The following SH3TC2 variants were observed in gnomAD, a reference collection of about 807,000 sequenced individuals.
SH3TC2 encodes SH3 domain and tetratricopeptide repeats 2, also known as SH3 domain and tetratricopeptide repeat-containing protein 2.
Under a neutral mutation model 124.5 loss-of-function variants are expected in SH3TC2, and 87 were observed. The ratio of observed to expected loss-of-function variants is 0.70; its 90% CI spans 0.59 to 0.84. The LOEUF (loss-of-function observed/expected upper bound fraction) is 0.84, where lower values mean the gene tolerates loss of function less well. Ranked by LOEUF, SH3TC2 falls within the 40% of genes least tolerant of loss-of-function variation. SH3TC2 has a pLI of 0.00. For synonymous variants in SH3TC2, 634 were observed against 628.5 expected (o/e 1.01, Z -0.13); for missense variants, 1,536 against 1,566.4 (o/e 0.98, Z 0.33).
intron 1 of SH3TC2, among the ~76,000 whole-genome samples, chr5:149,062,767 A>T (rs979172198): frequency 6.6e-6 from 1 of 152,206 alleles, no homozygotes; most frequent in African/African-American, 2.4e-5. Flanking sequence ...CTTCAGGAAA[A>T]AATAGATGCT....
intron 16 of SH3TC2, 62 bp downstream of exon 16, chr5:149,006,819 G>T: frequency 1.3e-6 from 2 of 1,525,366 alleles, no homozygotes; most frequent in South Asian, 2.2e-5. Flanking sequence ...CATTGTCTTT[G>T]AGTCAGGAAG....
rs1754353543 is a variant in SH3TC2 at position 149,040,626 on chromosome 5, A to C, written c.783T>G (p.Asp261Glu). ...TACCAATCTGATAGGAGCCTGTCCA[A>C]TCCCTCTTCCTGGAAAGGCCACAGC... ...PGSCGLSRKR[D>E]WTGSYQIGRG... is the part of the protein sequence containing the mutation. Residue 261 changes from aspartate (D) to glutamate (E), a missense_variant, in exon 7 of 17, where the codon GAT becomes GAG. Asp to Glu is a conservative substitution (Grantham distance 45). Transcript: ENST00000515425. 1 of 1,614,110 alleles carries C rather than the reference A, an allele frequency of 6.2e-7. No individual in the cohort carries two copies. Among genetic ancestry groups the C allele is most frequent in the South Asian group, 1.1e-5 (1 of 91,078 alleles).
In SH3TC2 at chr5:149,044,633, G is replaced by A. The variant is rs574669908; in HGVS notation, c.285C>T (p.Leu95=). Reference sequence around the variant, plus strand: ...ACTGGATACTGACCAACCTTGCTGAGAGGTCCTACGTAAAGGAAACAATGA... The same window carrying A: ...ACTGGATACTGACCAACCTTGCTGAAAGGTCCTACGTAAAGGAAACAATGA... The part of the protein sequence containing the change: ...DQEVRMLFKD[L]SARLVSIQSQ... Residue 95 remains leucine (L), a synonymous_variant, in exon 4 of 17, where the codon CTC becomes CTT. Coordinates refer to ENST00000515425, the MANE Select transcript of SH3TC2 (RefSeq NM_024577.4). 137 of 1,613,632 alleles carry A rather than the reference G, an allele frequency of 8.5e-5. 2 individuals are homozygous for A. In the Middle Eastern group the frequency reaches 2.1e-3, roughly 25 times the overall value.
At chr5:149,053,381 A>G (rs955449110) in intron 1 of SH3TC2, among the ~76,000 whole-genome samples, 3 of 152,190 alleles carry the variant, frequency 2.0e-5, no homozygotes, top group Non-Finnish European at 4.4e-5. Flanking sequence ...TCGCAGTGGG[A>G]GCAGTTAGCA....
Position 149,027,964 on chromosome 5 carries a change from C to A in SH3TC2, c.1768G>T (p.Ala590Ser). The A allele has an allele frequency of 6.2e-7, 1 of 1,614,156 alleles. No individual in the cohort carries two copies. ...AGGGCACCTGCCTTTTCCAACAGGGCGGAGCCTTTATGTCTCAGCCTCTGT... is the reference window on the plus strand; with the variant it reads ...AGGGCACCTGCCTTTTCCAACAGGGAGGAGCCTTTATGTCTCAGCCTCTGT... Reference protein sequence around the residue: ...LKQRLRHKGSALLEKAGALLA... With the variant: ...LKQRLRHKGSSLLEKAGALLA... Residue 590 changes from alanine to serine, a missense_variant, in exon 11 of 17, where the codon GCC becomes TCC. Coordinates refer to ENST00000515425, the MANE Select transcript of SH3TC2 (RefSeq NM_024577.4).
intron 8 of SH3TC2, among the ~76,000 whole-genome samples, chr5:149,032,645 C>T (rs1051753157): frequency 1.3e-5 from 2 of 152,134 alleles, no homozygotes; most frequent in African/African-American, 4.8e-5. Flanking sequence ...TACTCTTATC[C>T]TTTTTACAGA....
intron 12 of SH3TC2, among the ~76,000 whole-genome samples, chr5:149,014,682 C>A (rs535048224): frequency 8.5e-5 from 13 of 152,310 alleles, no homozygotes; most frequent in African/African-American, 2.6e-4. Context: ...GTGAAACTTC[C>A]TCTGAGAATA....
Position 148,990,381 on chromosome 5 carries a change from C to T in SH3TC2, c.*14330G>A, listed in dbSNP as rs960924989. ...AAGCTGGCCTTTGTCAACAAACACA[C>T]ATACCCACACAATGTTGTGCTGCCA... On this transcript the variant is annotated 3_prime_UTR_variant, in exon 17 of 17. Transcript: ENST00000515425. 6.6e-6 allele frequency among the ~76,000 whole-genome samples: 1 copy of T among 152,176 alleles called. No individual in the cohort carries two copies. The highest frequency in any genetic ancestry group is 2.4e-5 in the African/African-American group (1 of 41,434).
intron 8 of SH3TC2, among the ~76,000 whole-genome samples, chr5:149,032,434 G>T (rs1754212911): frequency 6.6e-6 from 1 of 152,180 alleles, no homozygotes. Flanking sequence ...AGAAGCTACT[G>T]GGTTGCATCT....
At chr5:149,022,881 G>A (rs1353216780) in intron 12 of SH3TC2, among the ~76,000 whole-genome samples, 1 of 152,206 alleles carries the variant, frequency 6.6e-6, no homozygotes, top group Non-Finnish European at 1.5e-5. Context: ...TTCCAGGGTT[G>A]GAGTGAGGTT....
chr5:149,023,786 T>C (rs1754018912), intron 12 of SH3TC2, among the ~76,000 whole-genome samples: 1 of 152,120 alleles, frequency 6.6e-6, no homozygotes, highest in African/African-American at 2.4e-5. Context: ...GGTTTCACCA[T>C]GTTGGCCAGG....
chr5:149,048,136 T>G (rs1754498604), intron 2 of SH3TC2, 147 bp from the exon 3 acceptor site: 1 of 1,090,228 alleles, frequency 9.2e-7, no homozygotes. Context: ...GTCTTAACAC[T>G]TCTCGGAGCA....
chr5:149,008,730 T>C (rs1285900817), intron 15 of SH3TC2, 121 bp downstream of exon 15: 3 of 1,391,890 alleles, frequency 2.2e-6, no homozygotes, highest in Non-Finnish European at 3.1e-6. Flanking sequence ...TCTCTGACAG[T>C]TGGACCTGGG....
intron 3 of SH3TC2, chr5:149,046,771 A>G (rs1026465176): frequency 6.6e-6 from 1 of 152,188 alleles, no homozygotes; most frequent in African/African-American, 2.4e-5. Flanking sequence ...AAAATAAAGG[A>G]AAATCTACAG....
intron 1 of SH3TC2, among the ~76,000 whole-genome samples, chr5:149,058,221 C>T (rs1754685385): frequency 6.6e-6 from 1 of 152,154 alleles, no homozygotes; most frequent in Non-Finnish European, 1.5e-5. Context: ...GAAAAAGTTA[C>T]TAACCCTCAA....
intron 12 of SH3TC2, among the ~76,000 whole-genome samples, chr5:149,023,694 T>C (rs1754016487): frequency 6.7e-6 from 1 of 149,640 alleles, no homozygotes; most frequent in South Asian, 2.1e-4. Context: ...GCGATTCTCC[T>C]GCCTCAGCTT....
At position 148,996,570 on chromosome 5, in the gene SH3TC2, C is replaced by T. The variant is rs976364701; in HGVS notation, c.*8141G>A. 5.9e-5 allele frequency among the ~76,000 whole-genome samples: 9 copies of T among 152,120 alleles called. No individual in the cohort carries two copies. The highest frequency in any genetic ancestry group is 1.2e-4 in the African/African-American group (5 of 41,424). ...ACGCAGCTGTTATTTCAGCCTAGCCCGTGGCAGCTCCCCTGAGGAGGAAAG... is the reference window on the plus strand; with the variant it reads ...ACGCAGCTGTTATTTCAGCCTAGCCTGTGGCAGCTCCCCTGAGGAGGAAAG... On this transcript the variant is annotated 3_prime_UTR_variant, in exon 17 of 17. Transcript: ENST00000515425.
chr5:149,027,664 C>G lies in SH3TC2; in HGVS notation c.2068G>C (p.Val690Leu). ...ATACCATGTTGCTGGACAGAGGCCA[C>G]TGCAAGGTGTGGAAGATATTTCTTG... ...YDKKYLPHLA[V>L]ASVQQHGIQS... Residue 690 changes from valine (V) to leucine (L), a missense_variant, in exon 11 of 17, where the codon GTG (valine) becomes CTG (leucine). By Grantham distance (32) the Val-to-Leu change is conservative (BLOSUM62 1). This residue lies in a region of SH3TC2 where 1,102 missense variants were observed against 1,098.6 expected (regional missense o/e 1.00). Transcript: ENST00000515425. 6.2e-7 allele frequency: 1 copy of G among 1,614,248 alleles called. No homozygotes were observed. Among genetic ancestry groups the G allele is most frequent in the Non-Finnish European group, 8.5e-7 (1 of 1,180,040 alleles).
chr5:149,018,156 C>T (rs144011623), intron 12 of SH3TC2, among the ~76,000 whole-genome samples: 211 of 152,270 alleles, frequency 1.4e-3, no homozygotes, highest in Middle Eastern at 0.014. Flanking sequence ...ATTCTTTCTA[C>T]GTCAGAGGGT....
Sources: allele counts gnomAD v4.1 joint callset (sites outside exome capture counted in the v4.1 genomes callset), GRCh38; gene constraint gnomAD v4.1.1; regional missense constraint gnomAD v4.1.1; transcripts MANE v1.5; gene names NCBI Gene and HGNC (gene_info 2026-07-23, HGNC 2026-07-21).